JCAD: variants seen among roughly 807,000 people sequenced by gnomAD.
JCAD encodes junctional cadherin 5-associated protein.
In JCAD, 40 loss-of-function variants were observed where a neutral mutation model predicts 98.0. That is an observed-to-expected ratio of 0.41 (90% CI 0.32 to 0.53). The LOEUF is 0.53. JCAD is among the 20% of genes least tolerant of loss of function. The pLI, the probability that JCAD is intolerant of heterozygous loss-of-function variation, is 0.31. For synonymous variants in JCAD, 691 were observed against 682.3 expected (o/e 1.01, Z -0.20); for missense variants, 1,705 against 1,738.1 (o/e 0.98, Z 0.34).
At chr10:30,080,420 T>C (rs1391516441) in intron 1 of JCAD, among the ~76,000 whole-genome samples, 1 of 152,154 alleles carries the variant, frequency 6.6e-6, no homozygotes, top group Non-Finnish European at 1.5e-5. Context: ...GACCCATCCT[T>C]TCCAATATAT....
intron 3 of JCAD, among the ~76,000 whole-genome samples, chr10:30,025,473 G>A (rs1160268061): frequency 2.1e-5 from 3 of 144,780 alleles, no homozygotes; most frequent in African/African-American, 2.5e-5. Flanking sequence ...AGCCGAGATC[G>A]TGCCACTGTA....
intron 1 of JCAD, among the ~76,000 whole-genome samples, chr10:30,108,244 G>A (rs538547198): frequency 6.6e-6 from 1 of 151,904 alleles, no homozygotes; most frequent in Admixed American, 6.6e-5. Flanking sequence ...CCTGGGAGGT[G>A]GAGGTTGCAG....
At position 30,076,613 on chromosome 10, in the gene JCAD, G is replaced by A. The variant is rs552404363; in HGVS notation, n.129-6792C>T. ...TTTCAGAAAGGGGCGGTGTCCCAGG[G>A]CTGTTTGGCTACCCCTTTTATAATT... On this transcript the variant is annotated intron_variant and non_coding_transcript_variant, in intron 1 of 2. Coordinates refer to the JCAD transcript ENST00000465712. 1.1e-4 allele frequency among the ~76,000 whole-genome samples: 16 copies of A among 152,272 alleles called. No homozygotes were observed. The South Asian group carries it at 3.3e-3, about 32-fold the overall frequency.
Position 30,027,521 on chromosome 10 carries a change from T to C in JCAD, c.2627A>G (p.Gln876Arg), listed in dbSNP as rs1341777914. The C allele has an allele frequency of 6.2e-7, 1 of 1,612,208 alleles. No individual in the cohort carries two copies. The highest frequency in any genetic ancestry group is 8.5e-7 in the Non-Finnish European group (1 of 1,180,044). The change falls in exon 3 of 4, where the codon CAG becomes CGG. Residue 876 changes from glutamine (Q) to arginine (R), a missense_variant. Around this residue, in one of 3 missense-constraint regions of JCAD, gnomAD observed 1,278 missense variants for 1,243.1 expected, o/e 1.03. Transcript: ENST00000375377. ...PQQENRAHCR[Q>R]EDVGFRGNSP... ...GTTTCCGCGGAAGCCCACATCCTCC[T>C]GTCTGCAGTGAGCACGGTTCTCCTG... is the stretch of plus-strand genomic sequence containing the variant.
At chr10:30,105,389 C>G (rs1268379324) in intron 1 of JCAD, among the ~76,000 whole-genome samples, 2 of 145,714 alleles carry the variant, frequency 1.4e-5, no homozygotes, top group East Asian at 2.0e-4. Flanking sequence ...GAGTATTGCT[C>G]TCTTGCTCAC....
intron 2 of JCAD, among the ~76,000 whole-genome samples, chr10:30,040,303 T>C (rs1307219535): frequency 2.0e-5 from 3 of 152,230 alleles, no homozygotes; most frequent in East Asian, 1.9e-4. Flanking sequence ...ATTTCATTTA[T>C]TAAAACAAGG....
Position 30,082,102 on chromosome 10 carries a change from A to G in JCAD, n.129-12281T>C, listed in dbSNP as rs547602952. Among the ~76,000 whole-genome samples the G allele has an allele frequency of 8.5e-4, 130 of 152,318 alleles. 3 individuals are homozygous for G. In the South Asian group the frequency reaches 0.025, roughly 29 times the overall value. On this transcript the variant is annotated intron_variant and non_coding_transcript_variant, in intron 1 of 2. Transcript: ENST00000465712. ...TGCTTTTACCTTTTTCTTTGAAATG[A>G]ATTATTATGAATATATATTTATATC... is the stretch of plus-strand genomic sequence containing the variant.
chr10:30,020,235 G>T (rs11818963), intron 3 of JCAD, among the ~76,000 whole-genome samples: 2 of 148,066 alleles, frequency 1.4e-5, no homozygotes, highest in Non-Finnish European at 3.0e-5. Context: ...GCTGAGGCAC[G>T]AGAATCATTT....
chr10:30,075,690 T>C (rs1837968677), intron 1 of JCAD, among the ~76,000 whole-genome samples: 1 of 152,130 alleles, frequency 6.6e-6, no homozygotes, highest in African/African-American at 2.4e-5. Flanking sequence ...CGCCAACCTG[T>C]CAGAATCCAT....
Position 30,028,877 on chromosome 10 carries a change from A to C in JCAD, c.1271T>G (p.Ile424Ser). 1.2e-6 allele frequency: 2 copies of C among 1,614,198 alleles called. No homozygotes were observed. Among genetic ancestry groups the C allele is most frequent in the Middle Eastern group, 1.7e-4 (1 of 6,060 alleles). ...VTAYDGFVQY[I>S]PFDDPRLRHF... ...TCGTAACCGTGGATCATCAAAGGGAATGTACTGAACGAAGCCGTCATAGGC... is the reference window on the plus strand; with the variant it reads ...TCGTAACCGTGGATCATCAAAGGGACTGTACTGAACGAAGCCGTCATAGGC... The change falls in exon 3 of 4, where the codon ATT becomes AGT. Residue 424 changes from isoleucine (I) to serine (S), a missense_variant. Physicochemically the swap from Ile to Ser is moderately radical, Grantham distance 142. Around this residue, in one of 3 missense-constraint regions of JCAD, gnomAD observed 1,278 missense variants for 1,243.1 expected, o/e 1.03. Transcript: ENST00000375377.
At chr10:30,050,784 C>G (rs780177761) in intron 1 of JCAD, among the ~76,000 whole-genome samples, 1 of 152,206 alleles carries the variant, frequency 6.6e-6, no homozygotes, top group Non-Finnish European at 1.5e-5. Flanking sequence ...TAAACTCTTC[C>G]TCTACCAACT....
At chr10:30,057,542 G>A (rs528737846) in intron 1 of JCAD, among the ~76,000 whole-genome samples, 2 of 152,254 alleles carry the variant, frequency 1.3e-5, no homozygotes, top group South Asian at 2.1e-4. Context: ...TCCAGAGCAT[G>A]TGGACACTCA....
rs1836498167 is a variant in JCAD, at chr10:30,014,649, C to T, written c.*3234G>A. 1 of 152,156 alleles carries T rather than the reference C, an allele frequency of 6.6e-6. No individual in the cohort carries two copies. The highest frequency in any genetic ancestry group is 2.4e-5 in the African/African-American group (1 of 41,430). The allele number at this position is 152,156 out of a possible 1,614,324, so 9.4% of individuals were successfully genotyped here. A position where few individuals can be genotyped will look rare whatever the true frequency, so the allele number is the denominator to read the frequency against. Reference sequence around the variant, plus strand: ...GAAAGTAGTTGTTTCAACAGATCAGCTTCATCCTTTTTCTTCAGAAGCCCC... The same window carrying T: ...GAAAGTAGTTGTTTCAACAGATCAGTTTCATCCTTTTTCTTCAGAAGCCCC... On this transcript the variant is annotated 3_prime_UTR_variant, in exon 4 of 4. Transcript: ENST00000375377.
At chr10:30,021,107 C>CACCT (rs1172631662) in intron 3 of JCAD, among the ~76,000 whole-genome samples, 3 of 150,698 alleles carry the variant, frequency 2.0e-5, no homozygotes, top group Non-Finnish European at 4.4e-5. Context: ...ACACTAGAGA[C>CACCT]ACCTCCACAG....
chr10:30,013,140 AAG>A lies in JCAD; in HGVS notation c.*4741_*4742del, dbSNP rs1388552622. On this transcript the variant is annotated 3_prime_UTR_variant, in exon 4 of 4. Transcript: ENST00000375377. ...ATTAATGGTGCCCAAAGAAAAAATG[AAG>A]AGATGAAAGTTTCTGTGGTTAGCTG... is the stretch of plus-strand genomic sequence containing the variant. 1.3e-5 allele frequency: 2 copies of A among 152,186 alleles called. No homozygotes were observed. The highest frequency in any genetic ancestry group is 4.8e-5 in the African/African-American group (2 of 41,424). The allele number at this position is 152,186 out of a possible 1,614,324, so 9.4% of individuals were successfully genotyped here. A position where few individuals can be genotyped will look rare whatever the true frequency, so the allele number is the denominator to read the frequency against.
chr10:30,079,514 A>C (rs1838041906), intron 1 of JCAD, among the ~76,000 whole-genome samples: 1 of 152,198 alleles, frequency 6.6e-6, no homozygotes. Flanking sequence ...ATAATCTGAT[A>C]GGTCTACTCA....
intron 1 of JCAD, among the ~76,000 whole-genome samples, chr10:30,098,126 G>C (rs1838406529): frequency 6.6e-6 from 1 of 152,112 alleles, no homozygotes; most frequent in South Asian, 2.1e-4. Flanking sequence ...ATGTCCTTTT[G>C]TTCTTGGGAG....
intron 2 of JCAD, among the ~76,000 whole-genome samples, chr10:30,037,902 C>T (rs568087457): frequency 6.8e-6 from 1 of 146,648 alleles, no homozygotes; most frequent in African/African-American, 2.5e-5. Flanking sequence ...TTGGGTCTGG[C>T]TTCCACAAAG....
intron 3 of JCAD, 135 bp from the exon 4 acceptor site, chr10:30,018,052 A>G (rs1332118838): frequency 3.3e-5 from 22 of 674,936 alleles, no homozygotes. Context: ...ACATTTTAAC[A>G]ATCATGTTTT....
Sources: allele counts gnomAD v4.1 joint callset (sites outside exome capture counted in the v4.1 genomes callset), GRCh38; gene constraint gnomAD v4.1.1; regional missense constraint gnomAD v4.1.1; transcripts MANE v1.5; gene names NCBI Gene and HGNC (gene_info 2026-07-23, HGNC 2026-07-21).